Variants in ADAM32 observed in about 807,000 individuals in gnomAD.
ADAM32 encodes the protein ADAM metallopeptidase domain 32.
In ADAM32, 89 loss-of-function variants were observed where a neutral mutation model predicts 114.9. That is an observed-to-expected ratio of 0.77 (90% confidence interval 0.65 to 0.92). ADAM32 has a LOEUF of 0.92. Ranked by LOEUF, ADAM32 falls within the 40% of genes least tolerant of loss-of-function variation. The probability of loss-of-function intolerance (pLI) is 0.00; values close to 1 mark genes in which losing one functional copy is unlikely to be tolerated. For missense variants in ADAM32, 870 were observed against 932.8 expected (o/e 0.93, Z 0.88); for synonymous variants, 285 against 307.5 (o/e 0.93, Z 0.77).
At chr8:39,210,444 C>T (rs990086098) in intron 11 of ADAM32, among the ~76,000 whole-genome samples, 1 of 152,128 alleles carries the variant, frequency 6.6e-6, no homozygotes, top group African/African-American at 2.4e-5. Flanking sequence ...GATAATTGTT[C>T]ACTTCAGTGT....
intron 6 of ADAM32, among the ~76,000 whole-genome samples, chr8:39,152,604 C>G (rs907958499): frequency 1.3e-5 from 2 of 152,008 alleles, no homozygotes; most frequent in Non-Finnish European, 2.9e-5. Flanking sequence ...CGCCTGTAAT[C>G]CCAGCTACTC....
intron 16 of ADAM32, among the ~76,000 whole-genome samples, chr8:39,238,432 C>T (rs537596126): frequency 3.2e-4 from 49 of 152,308 alleles, no homozygotes; most frequent in African/African-American, 1.1e-3. Context: ...TGAACAGCAG[C>T]ACTTGATTCC....
At chr8:39,198,518 C>T (rs1171565446) in intron 11 of ADAM32, among the ~76,000 whole-genome samples, 1 of 152,164 alleles carries the variant, frequency 6.6e-6, no homozygotes, top group Non-Finnish European at 1.5e-5. Context: ...GCTGGGACTA[C>T]AGGTGTGCAC....
chr8:39,270,154 G>A (rs1401799136), intron 19 of ADAM32, among the ~76,000 whole-genome samples: 6 of 152,152 alleles, frequency 3.9e-5, no homozygotes, highest in Admixed American at 2.0e-4. Flanking sequence ...GTGGGGACAC[G>A]AAGCCTAACC....
chr8:39,135,469 C>T (rs1008401001), intron 2 of ADAM32, among the ~76,000 whole-genome samples: 25 of 152,136 alleles, frequency 1.6e-4, no homozygotes, highest in Admixed American at 6.5e-5. Context: ...ATATACTGTT[C>T]ACTCAGTTTC....
At chr8:39,244,554 C>T (rs1368888140) in intron 16 of ADAM32, among the ~76,000 whole-genome samples, 3 of 152,132 alleles carry the variant, frequency 2.0e-5, no homozygotes, top group Non-Finnish European at 4.4e-5. Context: ...GGGGAAAGGA[C>T]ACCCTATTCG....
At chr8:39,237,544 A>T (rs1237601231) in intron 16 of ADAM32, among the ~76,000 whole-genome samples, 2 of 149,432 alleles carry the variant, frequency 1.3e-5, no homozygotes, top group Non-Finnish European at 3.0e-5. Context: ...CTTGGGGAGC[A>T]TGGTGGGAGT....
intron 1 of ADAM32, among the ~76,000 whole-genome samples, chr8:39,109,956 A>G (rs750240467): frequency 1.7e-4 from 26 of 152,198 alleles, no homozygotes; most frequent in Admixed American, 1.0e-3. Flanking sequence ...TGCCTTTTCC[A>G]GAGTGTCATG....
intron 14 of ADAM32, among the ~76,000 whole-genome samples, chr8:39,227,345 G>A (rs1809449080): frequency 1.3e-5 from 2 of 152,212 alleles, no homozygotes; most frequent in African/African-American, 4.8e-5. Flanking sequence ...GGTAGATGAA[G>A]CAGGAGAAAG....
At position 39,245,960 on chromosome 8, in the gene ADAM32, A is replaced by G. The variant is rs570975627; in HGVS notation, c.1819-123A>G. On this transcript the variant is annotated intron_variant, in intron 16 of 24. Coordinates refer to ENST00000379907, the MANE Select transcript of ADAM32 (RefSeq NM_145004.7). Reference sequence around the variant, plus strand: ...CCTTCTGGAATGCAGCAAAAGCAGTACTTAGAGGAAAATTTGTATCATTGA... The same window carrying G: ...CCTTCTGGAATGCAGCAAAAGCAGTGCTTAGAGGAAAATTTGTATCATTGA... 81 of 752,938 alleles carry G rather than the reference A, an allele frequency of 1.1e-4. No individual in the cohort carries two copies. In the Admixed American group the frequency reaches 2.0e-3, roughly 18 times the overall value. 46.6% of individuals were successfully genotyped at this position (752,938 alleles called of 1,614,324 possible). A position where few individuals can be genotyped will look rare whatever the true frequency, so the allele number is the denominator to read the frequency against.
intron 6 of ADAM32, 61 bp downstream of exon 6, chr8:39,151,609 TA>T: frequency 8.3e-7 from 1 of 1,200,454 alleles, no homozygotes. Flanking sequence ...TTAATTTATT[TA>T]AAAAATAAAT....
chr8:39,112,868 A>G (rs1202406561), intron 1 of ADAM32, among the ~76,000 whole-genome samples: 1 of 152,240 alleles, frequency 6.6e-6, no homozygotes, highest in Non-Finnish European at 1.5e-5. Context: ...GTAGAAAGCC[A>G]TATCACATGT....
chr8:39,213,902 T>A (rs1438743584), intron 12 of ADAM32, among the ~76,000 whole-genome samples: 1 of 152,136 alleles, frequency 6.6e-6, no homozygotes, highest in Non-Finnish European at 1.5e-5. Context: ...TCAATTGTTT[T>A]AATTTTTAGC....
intron 22 of ADAM32, among the ~76,000 whole-genome samples, chr8:39,278,282 G>A (rs1253213220): frequency 6.6e-6 from 1 of 152,034 alleles, no homozygotes; most frequent in Non-Finnish European, 1.5e-5. Context: ...CACAGAATGG[G>A]GAGGGGCAGG....
intron 19 of ADAM32, among the ~76,000 whole-genome samples, chr8:39,268,526 CAT>C (rs1258600879): frequency 5.3e-5 from 8 of 152,114 alleles, no homozygotes; most frequent in Non-Finnish European, 1.0e-4. Flanking sequence ...AATTTGCAAA[CAT>C]GTTATCTCAG....
intron 18 of ADAM32, among the ~76,000 whole-genome samples, chr8:39,255,745 T>G (rs1811614503): frequency 6.6e-6 from 1 of 152,086 alleles, no homozygotes; most frequent in Non-Finnish European, 1.5e-5. Context: ...GTCCCTTCTA[T>G]TTATCTTTGT....
chr8:39,208,170 A>G (rs1331889393), intron 11 of ADAM32, among the ~76,000 whole-genome samples: 1 of 152,028 alleles, frequency 6.6e-6, no homozygotes, highest in African/African-American at 2.4e-5. Context: ...TGGTTGTGTA[A>G]TTTACATTTT....
intron 10 of ADAM32, among the ~76,000 whole-genome samples, chr8:39,185,368 C>G (rs982073253): frequency 3.4e-5 from 5 of 148,434 alleles, no homozygotes; most frequent in African/African-American, 7.5e-5. Context: ...AACAAACAAA[C>G]AAACAAAAAA....
intron 14 of ADAM32, among the ~76,000 whole-genome samples, chr8:39,231,335 C>T (rs188571140): frequency 5.9e-5 from 9 of 151,354 alleles, no homozygotes; most frequent in African/African-American, 2.2e-4. Flanking sequence ...AGTAAAGCTA[C>T]AACTGCAAAA....
Sources: allele counts gnomAD v4.1 joint callset (sites outside exome capture counted in the v4.1 genomes callset), GRCh38; gene constraint gnomAD v4.1.1; transcripts MANE v1.5; gene names NCBI Gene and HGNC (gene_info 2026-07-23, HGNC 2026-07-21).